Variants in CYB5R3 observed in about 807,000 individuals in gnomAD.
CYB5R3 encodes cytochrome b5 reductase 3.
Under a neutral mutation model 36.5 loss-of-function variants are expected in CYB5R3, and 28 were observed. That is an observed-to-expected ratio of 0.77 (90% CI 0.57 to 1.05). The LOEUF (loss-of-function observed/expected upper bound fraction) is 1.05, where lower values mean the gene tolerates loss of function less well. Among genes scored for constraint, CYB5R3 ranks in the 50% least tolerant of loss-of-function variants. CYB5R3 has a pLI of 0.00. For synonymous variants in CYB5R3, 181 were observed against 159.8 expected (o/e 1.13, Z -1.00); for missense variants, 474 against 408.9 (o/e 1.16, Z -1.37).
chr22:42,646,550 G>T, intron 1 of CYB5R3: 1 of 679,978 alleles, frequency 1.5e-6, no homozygotes, highest in Non-Finnish European at 1.8e-6. Flanking sequence ...AGAGAGAGCT[G>T]CCAGGGCCCC....
Position 42,619,885 on chromosome 22 carries a change from G to C in CYB5R3, c.794C>G (p.Pro265Arg), listed in dbSNP as rs754621642. The change falls in exon 9 of 9, where the codon CCA becomes CGA. Residue 265 changes from proline to arginine, a missense_variant. Pro to Arg is a moderately radical substitution (Grantham distance 103). Transcript: ENST00000352397. ...EEMIRDHLPP[P>R]EEEPLVLMCG... ...CATCAGCACCAGCGGCTCCTCCTCTGGGGGTGGAAGGTGGTCCCGGATCAT... is the reference window on the plus strand; with the variant it reads ...CATCAGCACCAGCGGCTCCTCCTCTCGGGGTGGAAGGTGGTCCCGGATCAT... 5.0e-6 allele frequency: 8 copies of C among 1,608,156 alleles called. No individual in the cohort carries two copies. The Admixed American group carries it at 6.7e-5, about 14-fold the overall frequency.
rs1239179978 is a variant in CYB5R3, at chr22:42,618,524, G to A, written c.*1249C>T. On this transcript the variant is annotated 3_prime_UTR_variant, in exon 9 of 9. Coordinates refer to ENST00000352397, the MANE Select transcript of CYB5R3 (RefSeq NM_000398.7). ...TGCACTCCAGCCTGGGCGACAGAGC[G>A]AGACTCCGTCTCAAAAAAAAAAAAA... 11 of 122,344 alleles carry A rather than the reference G, an allele frequency of 9.0e-5. No homozygotes were observed. Among genetic ancestry groups the A allele is most frequent in the African/African-American group, 3.2e-4 (9 of 28,536 alleles). The allele number at this position is 122,344 out of a possible 1,614,324, so 7.6% of individuals were successfully genotyped here. A position where few individuals can be genotyped will look rare whatever the true frequency, so the allele number is the denominator to read the frequency against.
chr22:42,639,501 G>A (rs950359631), intron 1 of CYB5R3, among the ~76,000 whole-genome samples: 7 of 151,568 alleles, frequency 4.6e-5, no homozygotes, highest in African/African-American at 1.2e-4. Context: ...GGTAGCGGGC[G>A]TCTGCAATCC....
At chr22:42,639,858 G>A in intron 1 of CYB5R3, 1 of 1,097,666 alleles carries the variant, frequency 9.1e-7, no homozygotes, top group East Asian at 2.7e-5. Flanking sequence ...TTTTTTTTTT[G>A]GAATTTCTGA....
At position 42,627,652 on chromosome 22, in the gene CYB5R3, G is replaced by T. The variant is rs200274350; in HGVS notation, c.500C>A (p.Pro167His). The change falls in exon 6 of 9, where the codon CCT becomes CAT. Residue 167 changes from proline to histidine, a missense_variant. Coordinates refer to ENST00000352397, the MANE Select transcript of CYB5R3 (RefSeq NM_000398.7). The stretch of plus-strand genomic sequence containing the variant: ...CACAGACTTCACTGTCCTGATGATA[G>T]GGTTGGACTTTTTGTCAGGTCGGAT... ...FAIRPDKKSNPIIRTVKSVGM... is the reference protein window; with the variant it reads ...FAIRPDKKSNHIIRTVKSVGM... 6.2e-7 allele frequency: 1 copy of T among 1,614,088 alleles called. No homozygotes were observed. Among genetic ancestry groups the T allele is most frequent in the African/African-American group, 1.3e-5 (1 of 74,942 alleles).
chr22:42,644,287 G>C, intron 1 of CYB5R3: 1 of 660,546 alleles, frequency 1.5e-6, no homozygotes, highest in South Asian at 1.6e-5. Context: ...CCAGCCCCGG[G>C]GGTCCGAACC....
chr22:42,621,882 A>G (rs1383882908), intron 8 of CYB5R3, among the ~76,000 whole-genome samples: 1 of 152,274 alleles, frequency 6.6e-6, no homozygotes, highest in Non-Finnish European at 1.5e-5. Flanking sequence ...GGAGCAAAGC[A>G]GCCTATCACT....
intron 1 of CYB5R3, among the ~76,000 whole-genome samples, chr22:42,648,116 G>T (rs1322960713): frequency 6.6e-6 from 1 of 151,898 alleles, no homozygotes; most frequent in East Asian, 1.9e-4. Flanking sequence ...CCTGGCCAAG[G>T]TTGCCTGGGG....
At position 42,619,350 on chromosome 22, in the gene CYB5R3, G is replaced by C; in HGVS notation, c.*423C>G. On this transcript the variant is annotated 3_prime_UTR_variant, in exon 9 of 9. Coordinates refer to ENST00000352397, the MANE Select transcript of CYB5R3 (RefSeq NM_000398.7). ...CCTGAGGCGGGAGTGGGGGTGACAG[G>C]CGAGGCTGGGGTGGGCCCTGGCACC... is the stretch of plus-strand genomic sequence containing the variant. The C allele has an allele frequency of 5.0e-6, 1 of 201,476 alleles. No homozygotes were observed. Among genetic ancestry groups the C allele is most frequent in the Non-Finnish European group, 1.0e-5 (1 of 96,860 alleles). The allele number at this position is 201,476 out of a possible 1,614,324, so 12.5% of individuals were successfully genotyped here. A position where few individuals can be genotyped will look rare whatever the true frequency, so the allele number is the denominator to read the frequency against.
chr22:42,624,542 T>G (rs1172605726), intron 7 of CYB5R3, among the ~76,000 whole-genome samples: 1 of 136,286 alleles, frequency 7.3e-6, no homozygotes, highest in Non-Finnish European at 1.5e-5. Context: ...GAAAGCTTCC[T>G]GGACCCTCCA....
In CYB5R3 at chr22:42,631,431, C is replaced by A; in HGVS notation, c.173G>T (p.Arg58Leu). The A allele has an allele frequency of 1.3e-6, 2 of 1,551,586 alleles. No individual in the cohort carries two copies. Among genetic ancestry groups the A allele is most frequent in the Non-Finnish European group, 1.7e-6 (2 of 1,146,952 alleles). ...TGACGGCAGGGCAAAGCGGAAGCGC[C>A]GGGTGTCATGGCTGATGATCTGGAG... ...IDREIISHDT[R>L]RFRFALPSPQ... The change falls in exon 3 of 9, where the codon CGG (arginine) becomes CTG (leucine). Residue 58 changes from arginine to leucine, a missense_variant. By Grantham distance (102) the Arg-to-Leu change is moderately radical (BLOSUM62 -2). Coordinates refer to ENST00000352397, the MANE Select transcript of CYB5R3 (RefSeq NM_000398.7).
chr22:42,637,705 C>T (rs1041772107), intron 1 of CYB5R3, among the ~76,000 whole-genome samples: 1 of 152,194 alleles, frequency 6.6e-6, no homozygotes, highest in Non-Finnish European at 1.5e-5. Context: ...TCGGGTACCA[C>T]ACGGGCACGG....
At position 42,631,603 on chromosome 22, in the gene CYB5R3, G is replaced by A. The variant is rs375435179; in HGVS notation, c.154-153C>T. The A allele has an allele frequency of 9.8e-6, 7 of 712,794 alleles. 1 individual carries two copies. The highest frequency in any genetic ancestry group is 8.7e-5 in the African/African-American group (5 of 57,154). The allele number at this position is 712,794 out of a possible 1,614,324, so 44.2% of individuals were successfully genotyped here. ...TTGTAAGACGTGACGCCGACGCCAA[G>A]CACAGATGCACACACATGCACGCTG... On this transcript the variant is annotated intron_variant, in intron 2 of 8. Transcript: ENST00000352397.
chr22:42,639,505 G>A (rs896066012), intron 1 of CYB5R3, among the ~76,000 whole-genome samples: 1 of 151,694 alleles, frequency 6.6e-6, no homozygotes, highest in Non-Finnish European at 1.5e-5. Context: ...GCGGGCGTCT[G>A]CAATCCCAGC....
chr22:42,636,882 C>G, intron 1 of CYB5R3, 36 bp from the exon 2 acceptor site: 3 of 1,606,110 alleles, frequency 1.9e-6, no homozygotes, highest in Non-Finnish European at 2.5e-6. Flanking sequence ...AGTGCAGGAG[C>G]CTGCCTTTCC....
chr22:42,649,295 C>A lies in CYB5R3; in HGVS notation c.21G>T (p.Thr7=), dbSNP rs1047257434. Residue 7 remains threonine, a splice_region_variant and synonymous_variant, in exon 1 of 9, where the codon ACG becomes ACT. Coordinates refer to ENST00000352397, the MANE Select transcript of CYB5R3 (RefSeq NM_000398.7). MGAQLS[T]LGHMVLFPVW... is the part of the protein sequence containing the mutation. ...GCCCCGGCGCCCCCTCCCCGCCTAC[C>A]GTGCTGAGCTGGGCCCCCATGGTGG... The A allele has an allele frequency of 9.8e-7, 1 of 1,018,446 alleles. No individual in the cohort carries two copies. Among genetic ancestry groups the A allele is most frequent in the Non-Finnish European group, 1.2e-6 (1 of 848,940 alleles). 63.1% of individuals were successfully genotyped at this position (1,018,446 alleles called of 1,614,324 possible).
chr22:42,642,455 T>G (rs921293212), intron 1 of CYB5R3, among the ~76,000 whole-genome samples: 1 of 152,124 alleles, frequency 6.6e-6, no homozygotes, highest in African/African-American at 2.4e-5. Context: ...ATTATTTTTT[T>G]TGAGATGGAG....
chr22:42,636,993 A>G, intron 1 of CYB5R3, 147 bp from the exon 2 acceptor site: 2 of 1,197,734 alleles, frequency 1.7e-6, no homozygotes, highest in Non-Finnish European at 2.4e-6. Context: ...AAGCTTCATC[A>G]TCCATTTTGG....
At chr22:42,639,136 C>G in intron 1 of CYB5R3, 1 of 375,306 alleles carries the variant, frequency 2.7e-6, no homozygotes, top group Non-Finnish European at 5.2e-6. Flanking sequence ...TCGAGACCAG[C>G]CTGGCCAACA....
Sources: gnomAD v4.1 joint callset for allele counts (sites outside exome capture counted in the v4.1 genomes callset) on GRCh38, gnomAD v4.1.1 for gene constraint, MANE v1.5 for transcripts, NCBI Gene and HGNC (gene_info 2026-07-23, HGNC 2026-07-21) for gene names.